The following GATA5 variants were observed in gnomAD, a reference collection of about 807,000 sequenced individuals.
GATA5 encodes transcription factor GATA-5.
Under a neutral mutation model 35.0 loss-of-function variants are expected in GATA5, and 27 were observed. The ratio of observed to expected loss-of-function variants is 0.77; its 90% CI spans 0.57 to 1.06. The LOEUF (loss-of-function observed/expected upper bound fraction) is 1.06, where lower values mean the gene tolerates loss of function less well. GATA5 is among the 50% of genes least tolerant of loss of function. GATA5 has a pLI of 0.00. For synonymous variants in GATA5, 306 were observed against 267.8 expected (o/e 1.14, Z -1.39); for missense variants, 612 against 580.0 (o/e 1.06, Z -0.57).
rs1475514991 is a variant in GATA5 at position 62,470,265 on chromosome 20, C to T, written c.699+3138G>A. ...TCGAGCCTGGCTTGGAGGGATGAAG[C>T]GCACACGCCGGGAAACACTTTGGAG... On this transcript the variant is annotated intron_variant, in intron 3 of 6. Transcript: ENST00000252997. The surrounding 1 kb of genome is among the most constrained non-coding windows in gnomAD (Gnocchi z 4.6). 6.6e-6 allele frequency among the ~76,000 whole-genome samples: 1 copy of T among 152,168 alleles called. No individual in the cohort carries two copies. The highest frequency in any genetic ancestry group is 2.4e-5 in the African/African-American group (1 of 41,450).
chr20:62,469,521 C>G (rs145582653), intron 3 of GATA5, among the ~76,000 whole-genome samples: 1 of 152,216 alleles, frequency 6.6e-6, no homozygotes, highest in East Asian at 1.9e-4. Context: ...GCTGCCAGCA[C>G]GCCCCGACGG....
At chr20:62,472,538 C>A (rs868958162) in intron 3 of GATA5, among the ~76,000 whole-genome samples, 28 of 152,258 alleles carry the variant, frequency 1.8e-4, no homozygotes, top group African/African-American at 6.8e-4. Flanking sequence ...CGGAGGAGGA[C>A]TTGGTGCCCA....
intron 6 of GATA5, 81 bp downstream of exon 6, chr20:62,465,259 G>A: frequency 7.0e-7 from 1 of 1,427,978 alleles, no homozygotes; most frequent in Non-Finnish European, 9.3e-7. Flanking sequence ...GAGGCTCCGA[G>A]GGGCTCTGAT....
Position 62,474,986 on chromosome 20 carries a change from C to G in GATA5, c.523+13G>C, listed in dbSNP as rs1389135317. ...GCTCCTGGGCCCCGAGACTGTGGAG[C>G]CCCCGCACTCACCGAAGGTGGGCCT... On this transcript the variant is annotated intron_variant, in intron 2 of 6. Coordinates refer to ENST00000252997, the MANE Select transcript of GATA5 (RefSeq NM_080473.5). 2.6e-5 allele frequency: 34 copies of G among 1,313,618 alleles called. No individual in the cohort carries two copies. The highest frequency in any genetic ancestry group is 2.9e-5 in the Non-Finnish European group (30 of 1,028,496). 81.4% of individuals were successfully genotyped at this position (1,313,618 alleles called of 1,614,324 possible).
intron 1 of GATA5, 148 bp from the exon 2 acceptor site, chr20:62,475,690 AGGGAGAGGAACCGC>A (rs1323902429): frequency 2.1e-6 from 1 of 466,710 alleles, no homozygotes; most frequent in African/African-American, 2.0e-5. Context: ...CCCGAACCCG[AGGGAGAGGAACCGC>A]GGGGATGGGA....
chr20:62,466,635 CT>C, intron 3 of GATA5, 84 bp from the exon 4 acceptor site: 1 of 1,467,148 alleles, frequency 6.8e-7, no homozygotes, highest in Non-Finnish European at 9.1e-7. Context: ...TCAGGTCGGC[CT>C]TGCGGCCACG....
intron 3 of GATA5, among the ~76,000 whole-genome samples, chr20:62,471,432 A>ATATTTTTTTTTTTTTTTTTTTTT (rs1555896518): frequency 1.2e-5 from 1 of 81,746 alleles, no homozygotes; most frequent in Non-Finnish European, 2.4e-5. Context: ...TTCAATTACA[A>ATATTTTTTTTTTTTTTTTTTTTT]TTTTTTTTTT....
At position 62,463,844 on chromosome 20, in the gene GATA5, T is replaced by TCCCTGTGGCTGCCTGTCCCGCTCCTCC. The variant is rs1569042809; in HGVS notation, c.*991_*992insGGAGGAGCGGGACAGGCAGCCACAGGG. 6.6e-6 allele frequency: 1 copy of TCCCTGTGGCTGCCTGTCCCGCTCCTCC among 152,118 alleles called. No individual in the cohort carries two copies. Among genetic ancestry groups the TCCCTGTGGCTGCCTGTCCCGCTCCTCC allele is most frequent in the Non-Finnish European group, 1.5e-5 (1 of 68,096 alleles). 9.4% of individuals were successfully genotyped at this position (152,118 alleles called of 1,614,324 possible). ...CCTGTGGCTGCCTGCCCCGCTCCTC[T>TCCCTGTGGCTGCCTGTCCCGCTCCTCC]GCTCCCTGTGGCCTCCTGACATACA... is the stretch of plus-strand genomic sequence containing the variant. On this transcript the variant is annotated 3_prime_UTR_variant, in exon 7 of 7. Coordinates refer to ENST00000252997, the MANE Select transcript of GATA5 (RefSeq NM_080473.5).
chr20:62,471,448 T>TTTTTTTTTTTTTGTG (rs1216745509), intron 3 of GATA5, among the ~76,000 whole-genome samples: 4 of 142,274 alleles, frequency 2.8e-5, no homozygotes, highest in Non-Finnish European at 4.6e-5. Context: ...TTTTTTTTTT[T>TTTTTTTTTTTTTGTG]TGTGATGAGG....
chr20:62,474,864 C>T (rs376426114), intron 2 of GATA5, 135 bp downstream of exon 2: 1 of 687,374 alleles, frequency 1.5e-6, no homozygotes, highest in Middle Eastern at 4.5e-4. Flanking sequence ...CGTCTCGCCC[C>T]GGGGCTGCTG....
intron 3 of GATA5, among the ~76,000 whole-genome samples, chr20:62,467,036 G>A (rs1989610661): frequency 6.6e-6 from 1 of 152,208 alleles, no homozygotes; most frequent in Non-Finnish European, 1.5e-5. Context: ...AGGGCTCCGG[G>A]TCCCACCTGC....
chr20:62,473,328 C>T, intron 3 of GATA5, 75 bp downstream of exon 3: 1 of 1,504,156 alleles, frequency 6.6e-7, no homozygotes, highest in African/African-American at 1.4e-5. Context: ...GCTCTGGTGT[C>T]ACCTGGGTGG....
At chr20:62,471,432 A>ATTTTTTTTTTTCT (rs1989717934) in intron 3 of GATA5, among the ~76,000 whole-genome samples, 1 of 81,746 alleles carries the variant, frequency 1.2e-5, no homozygotes, top group Non-Finnish European at 2.4e-5. Context: ...TTCAATTACA[A>ATTTTTTTTTTTCT]TTTTTTTTTT....
chr20:62,467,923 G>C (rs1040057185), intron 3 of GATA5, among the ~76,000 whole-genome samples: 1 of 151,026 alleles, frequency 6.6e-6, no homozygotes, highest in Non-Finnish European at 1.5e-5. Flanking sequence ...CAGTTTTCCT[G>C]TCTGTTACAG....
chr20:62,466,404 C>T, intron 4 of GATA5, 22 bp downstream of exon 4: 1 of 1,564,786 alleles, frequency 6.4e-7, no homozygotes, highest in East Asian at 2.4e-5. Flanking sequence ...CCTCCCCGCC[C>T]TGCCCCGGGG....
intron 3 of GATA5, among the ~76,000 whole-genome samples, chr20:62,469,555 T>C (rs1185776917): frequency 6.6e-6 from 1 of 152,208 alleles, no homozygotes; most frequent in Non-Finnish European, 1.5e-5. Flanking sequence ...ACACGGGTTG[T>C]GGAAAGAAAC....
chr20:62,468,792 T>C (rs140971997), intron 3 of GATA5, among the ~76,000 whole-genome samples: 3 of 152,342 alleles, frequency 2.0e-5, no homozygotes, highest in African/African-American at 4.8e-5. Flanking sequence ...GTGAGACTTC[T>C]GCTCACGCTG....
intron 3 of GATA5, 115 bp from the exon 4 acceptor site, chr20:62,466,666 C>T (rs959198021): frequency 1.4e-5 from 18 of 1,249,300 alleles, no homozygotes; most frequent in African/African-American, 1.2e-4. Flanking sequence ...GTGAGAAGGT[C>T]GTGAGCTCTG....
rs1410534749 is a variant in GATA5, at chr20:62,475,275, G to C, written c.247C>G (p.Pro83Ala). 6 of 1,246,334 alleles carry C rather than the reference G, an allele frequency of 4.8e-6. No homozygotes were observed. The highest frequency in any genetic ancestry group is 6.9e-5 in the South Asian group (2 of 28,782). 77.2% of individuals were successfully genotyped at this position (1,246,334 alleles called of 1,614,324 possible). A position where few individuals can be genotyped will look rare whatever the true frequency, so the allele number is the denominator to read the frequency against. Residue 83 changes from proline (P) to alanine (A), a missense_variant, in exon 2 of 7, where the codon CCA becomes GCA. Transcript: ENST00000252997. ...SAFGPGSPHP[P>A]AAHPPGATAF... ...GTGGCCCCGGGCGGGTGCGCGGCTG[G>C]GGGGTGCGGACTGCCCGGGCCGAAG...
Sources: gnomAD v4.1 joint callset for allele counts (sites outside exome capture counted in the v4.1 genomes callset) on GRCh38, gnomAD v4.1.1 for gene constraint, Gnocchi (gnomAD v3.1) non-coding constraint, MANE v1.5 for transcripts, NCBI Gene and HGNC (gene_info 2026-07-23, HGNC 2026-07-21) for gene names.